FAF2: variants seen among roughly 807,000 people sequenced by gnomAD.
FAF2 encodes the protein FAS-associated factor 2.
In FAF2, 9 loss-of-function variants were observed where a neutral mutation model predicts 62.3. The observed-to-expected ratio is 0.14, with a 90% CI of 0.09 to 0.25. The LOEUF is 0.25. FAF2 is among the 10% of genes least tolerant of loss of function. FAF2 has a pLI of 1.00. For synonymous variants in FAF2, 202 were observed against 198.0 expected (o/e 1.02, Z -0.17); for missense variants, 368 against 556.2 (o/e 0.66, Z 3.40).
intron 1 of FAF2, among the ~76,000 whole-genome samples, chr5:176,476,598 C>T (rs1466827076): frequency 2.0e-5 from 3 of 149,190 alleles, no homozygotes; most frequent in Non-Finnish European, 4.4e-5. Flanking sequence ...GTCATTTGCA[C>T]ACTGGGGAAG....
In FAF2 at chr5:176,496,688, CAG is replaced by C. The variant is rs368333559; in HGVS notation, c.839+33_839+34del. 1,099 of 1,474,718 alleles carry C rather than the reference CAG, an allele frequency of 7.5e-4. 2 individuals are homozygous for C. The highest frequency in any genetic ancestry group is 1.3e-3 in the South Asian group (94 of 69,992). 91.4% of individuals were successfully genotyped at this position (1,474,718 alleles called of 1,614,324 possible). On this transcript the variant is annotated intron_variant, in intron 8 of 10. Transcript: ENST00000261942. The stretch of plus-strand genomic sequence containing the variant: ...GGTACAAGGGAGTTCCCTTCTGGAA[CAG>C]AGAGAGACCAGTTGTAAATTTGGAG...
At chr5:176,471,165 A>G (rs1284092333) in intron 1 of FAF2, among the ~76,000 whole-genome samples, 6 of 152,124 alleles carry the variant, frequency 3.9e-5, no homozygotes, top group Non-Finnish European at 8.8e-5. Flanking sequence ...CACTGCTGTC[A>G]TTCTATTCTA....
At chr5:176,480,413 C>T (rs771188579) in intron 2 of FAF2, among the ~76,000 whole-genome samples, 7 of 151,832 alleles carry the variant, frequency 4.6e-5, no homozygotes, top group Non-Finnish European at 1.0e-4. Context: ...TAAGTCCTTA[C>T]TCTTTTTTAA....
At position 176,455,508 on chromosome 5, in the gene FAF2, G is replaced by C. The variant is rs145858645; in HGVS notation, c.63+7038G>C. 5.5e-3 allele frequency among the ~76,000 whole-genome samples: 826 copies of C among 150,038 alleles called. 7 individuals are homozygous for C. The highest frequency in any genetic ancestry group is 0.018 in the African/African-American group (753 of 40,746). ...TGCACGCCTGTAATCCCAGCACTTT[G>C]GGAGGCTGAGGTGGGCAGATCACCT... On this transcript the variant is annotated intron_variant, in intron 1 of 10. Transcript: ENST00000261942.
At chr5:176,458,408 C>CTTTTTT (rs751775026) in intron 1 of FAF2, among the ~76,000 whole-genome samples, 51,277 of 86,224 alleles carry the variant, frequency 0.59, 16,925 homozygotes, top group South Asian at 0.73. Flanking sequence ...CTTTTTCTTC[C>CTTTTTT]TTTTTTTTTT....
intron 1 of FAF2, among the ~76,000 whole-genome samples, chr5:176,458,936 G>A (rs1012174420): frequency 6.6e-6 from 1 of 152,000 alleles, no homozygotes; most frequent in Non-Finnish European, 1.5e-5. Context: ...TCAGAACCTT[G>A]ATTTCTTTCT....
intron 4 of FAF2, among the ~76,000 whole-genome samples, chr5:176,491,852 G>A (rs542984438): frequency 4.7e-4 from 71 of 152,310 alleles, no homozygotes; most frequent in Non-Finnish European, 8.8e-4. Context: ...GAGTCTGGGT[G>A]CATAGCCTGA....
intron 8 of FAF2, among the ~76,000 whole-genome samples, chr5:176,497,337 A>T (rs1205030441): frequency 1.3e-5 from 2 of 152,246 alleles, no homozygotes; most frequent in Admixed American, 6.5e-5. Context: ...ACAAAAAAGC[A>T]CAAGGAAGAA....
chr5:176,486,323 T>G, intron 2 of FAF2, 32 bp from the exon 3 acceptor site: 1 of 1,609,522 alleles, frequency 6.2e-7, no homozygotes, highest in South Asian at 1.1e-5. Context: ...TGAGCATCGC[T>G]GAAACTCTTG....
At chr5:176,492,783 T>C (rs1405870626) in intron 5 of FAF2, among the ~76,000 whole-genome samples, 1 of 152,258 alleles carries the variant, frequency 6.6e-6, no homozygotes, top group Non-Finnish European at 1.5e-5. Flanking sequence ...AATCTTTCCC[T>C]TTGTTCTTCC....
intron 1 of FAF2, among the ~76,000 whole-genome samples, chr5:176,461,484 A>AT (rs140514579): frequency 0.098 from 14,706 of 150,108 alleles, 957 homozygotes; most frequent in Non-Finnish European, 0.15. Context: ...CACTGGGCTA[A>AT]TTTTTTTTAT....
rs200471156 is a variant in FAF2 at position 176,499,030 on chromosome 5, G to A, written c.956G>A (p.Arg319Gln). 7.1e-5 allele frequency: 114 copies of A among 1,611,892 alleles called. No individual in the cohort carries two copies. The East Asian group carries it at 2.3e-3, about 33-fold the overall frequency. ...RKKREERERK[R>Q]RKEEEVQQQK... ...AAACGGGAGGAGCGGGAGCGTAAGC[G>A]GCGGAAGGAGGAGGAGGTGCAACAG... The change falls in exon 9 of 11, where the codon CGG (arginine) becomes CAG (glutamine). Residue 319 changes from arginine to glutamine, a missense_variant. Around this residue, in one of 2 missense-constraint regions of FAF2, gnomAD observed 331 missense variants for 441.9 expected, o/e 0.75. Coordinates refer to ENST00000261942, the MANE Select transcript of FAF2 (RefSeq NM_014613.3).
At chr5:176,469,718 G>A (rs1395753480) in intron 1 of FAF2, among the ~76,000 whole-genome samples, 1 of 152,146 alleles carries the variant, frequency 6.6e-6, no homozygotes, top group African/African-American at 2.4e-5. Context: ...AAATAGTAGT[G>A]TTCATCATAG....
chr5:176,483,426 T>C (rs1758816368), intron 2 of FAF2, among the ~76,000 whole-genome samples: 2 of 152,374 alleles, frequency 1.3e-5, no homozygotes, highest in South Asian at 4.1e-4. Flanking sequence ...GATGTATTTG[T>C]AGTTAATTTT....
At chr5:176,451,857 C>CATAT (rs1242984983) in intron 1 of FAF2, among the ~76,000 whole-genome samples, 2 of 17,746 alleles carry the variant, frequency 1.1e-4, no homozygotes, top group African/African-American at 3.4e-4. Flanking sequence ...CATATATATA[C>CATAT]ACATATATAT....
At chr5:176,462,251 G>C (rs192085290) in intron 1 of FAF2, among the ~76,000 whole-genome samples, 32 of 150,330 alleles carry the variant, frequency 2.1e-4, no homozygotes, top group African/African-American at 7.6e-4. Context: ...ACTCCAGCCT[G>C]GGTGGCAGAG....
intron 1 of FAF2, among the ~76,000 whole-genome samples, chr5:176,464,051 A>G (rs10039150): frequency 0.051 from 7,813 of 152,232 alleles, 684 homozygotes; most frequent in African/African-American, 0.18. Flanking sequence ...TATTGCTGCT[A>G]CACAAATTAA....
chr5:176,451,819 T>TATATATACAC lies in FAF2; in HGVS notation c.63+3356_63+3357insCACATATATA, dbSNP rs1561813430. 2.4e-4 allele frequency among the ~76,000 whole-genome samples: 12 copies of TATATATACAC among 49,694 alleles called. 1 individual carries two copies. The highest frequency in any genetic ancestry group is 9.1e-4 in the African/African-American group (12 of 13,202). 32.6% of individuals were successfully genotyped at this position (49,694 alleles called of 152,430 possible). On this transcript the variant is annotated intron_variant, in intron 1 of 10. Transcript: ENST00000261942. ...ATATACATATATATATACACACATATATATATATACATATATATATATACA... is the reference window on the plus strand; with the variant it reads ...ATATACATATATATATACACACATATATATATACACATATATATACATATATATATATACA...
At chr5:176,473,324 T>G (rs1758606298) in intron 1 of FAF2, among the ~76,000 whole-genome samples, 2 of 152,234 alleles carry the variant, frequency 1.3e-5, no homozygotes, top group African/African-American at 2.4e-5. Flanking sequence ...GATATTTGCC[T>G]AATGTTTCTC....
Sources: gnomAD v4.1 joint callset for allele counts (sites outside exome capture counted in the v4.1 genomes callset) on GRCh38, gnomAD v4.1.1 for gene constraint, gnomAD v4.1.1 regional missense constraint, MANE v1.5 for transcripts, NCBI Gene and HGNC (gene_info 2026-07-23, HGNC 2026-07-21) for gene names.